The following HIVEP1 variants were observed in gnomAD, a reference collection of about 807,000 sequenced individuals.
HIVEP1 encodes zinc finger protein 40.
In HIVEP1, 36 loss-of-function variants were observed where a neutral mutation model predicts 180.0. The ratio of observed to expected loss-of-function variants is 0.20; its 90% CI spans 0.15 to 0.26. The LOEUF (loss-of-function observed/expected upper bound fraction) is 0.26, where lower values mean the gene tolerates loss of function less well. HIVEP1 is among the 10% of genes least tolerant of loss of function. HIVEP1 has a pLI of 1.00. For synonymous variants in HIVEP1, 1,239 were observed against 1,239.0 expected (o/e 1.00, Z 0.00); for missense variants, 3,143 against 3,268.7 (o/e 0.96, Z 0.94).
chr6:12,157,073 T>C (rs1025678799), intron 7 of HIVEP1, among the ~76,000 whole-genome samples: 1 of 152,320 alleles, frequency 6.6e-6, no homozygotes, highest in African/African-American at 2.4e-5. Context: ...TGTTTATCCT[T>C]CATAATATTC....
In HIVEP1 at chr6:12,163,583, A is replaced by G; in HGVS notation, c.7279A>G (p.Thr2427Ala). 2 of 1,614,122 alleles carry G rather than the reference A, an allele frequency of 1.2e-6. No individual in the cohort carries two copies. The highest frequency in any genetic ancestry group is 1.7e-6 in the Non-Finnish European group (2 of 1,179,950). Reference protein sequence around the residue: ...VPLQAGPVQLTIPAVSVVHRT... With the variant: ...VPLQAGPVQLAIPAVSVVHRT... ...CCTTCAGGCTGGACCAGTGCAGCTCACGATCCCTGCTGTCAGTGTCGTTCA... is the reference window on the plus strand; with the variant it reads ...CCTTCAGGCTGGACCAGTGCAGCTCGCGATCCCTGCTGTCAGTGTCGTTCA... Residue 2427 changes from threonine (T) to alanine (A), a missense_variant, in exon 9 of 9, where the codon ACG becomes GCG. Thr to Ala is a moderately conservative substitution (Grantham distance 58). Around this residue, in one of 12 missense-constraint regions of HIVEP1, gnomAD observed 595 missense variants for 602.2 expected, o/e 0.99. Transcript: ENST00000379388.
intron 7 of HIVEP1, among the ~76,000 whole-genome samples, chr6:12,143,110 G>A (rs1356305857): frequency 6.6e-6 from 1 of 152,212 alleles, no homozygotes; most frequent in Non-Finnish European, 1.5e-5. Flanking sequence ...CAATATCCCT[G>A]ATGAACATCG....
Position 12,120,024 on chromosome 6 carries a change from C to G in HIVEP1, c.229C>G (p.Gln77Glu). 1 of 1,612,570 alleles carries G rather than the reference C, an allele frequency of 6.2e-7. No individual in the cohort carries two copies. Among genetic ancestry groups the G allele is most frequent in the Non-Finnish European group, 8.5e-7 (1 of 1,179,468 alleles). ...LRNPLQAKHK[Q>E]NTEESSFAVL... is the part of the protein sequence containing the mutation. ...AAATCCTCTTCAGGCAAAACATAAA[C>G]AAAATACAGAAGAGTCATCTTTCGC... The change falls in exon 4 of 9, where the codon CAA becomes GAA. Residue 77 changes from glutamine to glutamate, a missense_variant. Transcript: ENST00000379388.
the HIVEP1 span, among the ~76,000 whole-genome samples, chr6:12,207,195 G>T: frequency 5.3e-5 from 8 of 152,116 alleles, no homozygotes; most frequent in Non-Finnish European, 1.2e-4. Context: ...ATTGCCCGTT[G>T]CATAGTTTCA....
chr6:12,067,060 A>G (rs1367268799), intron 2 of HIVEP1, among the ~76,000 whole-genome samples: 4 of 152,126 alleles, frequency 2.6e-5, no homozygotes, highest in African/African-American at 4.8e-5. Flanking sequence ...TTGGTGGTAC[A>G]TTTTCTAAGT....
rs185749720 is a variant in HIVEP1, at chr6:12,084,571, C to G, written c.41-4613C>G. ...TTTAGTGCTATTGAAATAACACTTA[C>G]AGTTCACAGTAAGAGTAAGGTGCTT... On this transcript the variant is annotated intron_variant, in intron 2 of 8. Transcript: ENST00000379388. Among the ~76,000 whole-genome samples the G allele has an allele frequency of 1.1e-4, 17 of 152,088 alleles. No individual in the cohort carries two copies. The East Asian group carries it at 2.9e-3, about 26-fold the overall frequency.
chr6:12,099,409 G>A (rs991268024), intron 3 of HIVEP1, among the ~76,000 whole-genome samples: 2 of 152,034 alleles, frequency 1.3e-5, no homozygotes, highest in Non-Finnish European at 2.9e-5. Context: ...CTCGTGATCC[G>A]CCCGCCTCGG....
At chr6:12,119,162 C>A (rs1775410623) in intron 3 of HIVEP1, among the ~76,000 whole-genome samples, 1 of 152,136 alleles carries the variant, frequency 6.6e-6, no homozygotes, top group Non-Finnish European at 1.5e-5. Context: ...TTCTGTCTTC[C>A]CTTACCAGCT....
In HIVEP1 at chr6:12,121,861, C is replaced by T; in HGVS notation, c.2066C>T (p.Pro689Leu). The T allele has an allele frequency of 6.2e-7, 1 of 1,614,166 alleles. No homozygotes were observed. Among genetic ancestry groups the T allele is most frequent in the Non-Finnish European group, 8.5e-7 (1 of 1,180,022 alleles). Residue 689 changes from proline to leucine, a missense_variant, in exon 4 of 9, where the codon CCA (proline) becomes CTA (leucine). Physicochemically the swap from Pro to Leu is moderately conservative, Grantham distance 98. Around this residue, in one of 12 missense-constraint regions of HIVEP1, gnomAD observed 365 missense variants for 344.4 expected, o/e 1.06. Transcript: ENST00000379388. This position sits in a 1 kb window ranked among gnomAD's most constrained non-coding sequence, Gnocchi z 5.3. ...SESADQTVSP[P>L]TPFARRLPST... ...AGTGCCGATCAAACAGTGAGTCCACCAACTCCCTTTGCCAGAAGGTTACCC... is the reference window on the plus strand; with the variant it reads ...AGTGCCGATCAAACAGTGAGTCCACTAACTCCCTTTGCCAGAAGGTTACCC...
chr6:12,043,154 T>C (rs1769886417), intron 2 of HIVEP1, among the ~76,000 whole-genome samples: 1 of 152,220 alleles, frequency 6.6e-6, no homozygotes, highest in Non-Finnish European at 1.5e-5. Context: ...AGGGTAAGTT[T>C]GCCTTCACTG....
chr6:12,128,814 T>C (rs7741589), intron 4 of HIVEP1, among the ~76,000 whole-genome samples: 27,093 of 152,206 alleles, frequency 0.18, 2,911 homozygotes, highest in East Asian at 0.47. Context: ...TTCGTTACCT[T>C]TTTTCCAGAG....
Position 12,161,816 on chromosome 6 carries a change from A to G in HIVEP1, c.6865A>G (p.Ile2289Val), listed in dbSNP as rs1327858738. 4.3e-6 allele frequency: 7 copies of G among 1,614,112 alleles called. No individual in the cohort carries two copies. The highest frequency in any genetic ancestry group is 2.2e-5 in the East Asian group (1 of 44,872). Residue 2289 changes from isoleucine to valine, a missense_variant, in exon 8 of 9, where the codon ATT becomes GTT. Transcript: ENST00000379388. ...QRAARDENDT[I>V]PSVDTSRSPC... ...TGCTGCGAGAGATGAAAACGACACAATTCCGTCTGTAGACACTTCCAGGTC... is the reference window on the plus strand; with the variant it reads ...TGCTGCGAGAGATGAAAACGACACAGTTCCGTCTGTAGACACTTCCAGGTC...
At chr6:12,028,487 G>T (rs866237081) in intron 2 of HIVEP1, among the ~76,000 whole-genome samples, 1 of 152,202 alleles carries the variant, frequency 6.6e-6, no homozygotes, top group Non-Finnish European at 1.5e-5. Flanking sequence ...CCTTCTGTAT[G>T]TTGACAGTTT....
intron 2 of HIVEP1, among the ~76,000 whole-genome samples, chr6:12,076,645 T>C (rs1772370641): frequency 6.6e-6 from 1 of 152,134 alleles, no homozygotes; most frequent in Non-Finnish European, 1.5e-5. Flanking sequence ...GCAGTCCTTT[T>C]TTATATCAGC....
intron 3 of HIVEP1, among the ~76,000 whole-genome samples, chr6:12,099,624 C>T (rs1221271135): frequency 6.6e-6 from 1 of 152,120 alleles, no homozygotes; most frequent in Non-Finnish European, 1.5e-5. Context: ...CACCCTCTCA[C>T]CTCTGCCTGG....
At chr6:12,087,177 G>A (rs57691377) in intron 2 of HIVEP1, among the ~76,000 whole-genome samples, 3,836 of 152,168 alleles carry the variant, frequency 0.025, 90 homozygotes, top group Middle Eastern at 0.065. Context: ...AGGTAACTTA[G>A]TTGAAAATTT....
intron 2 of HIVEP1, among the ~76,000 whole-genome samples, chr6:12,075,098 G>A (rs997258537): frequency 6.6e-6 from 1 of 152,238 alleles, no homozygotes. Flanking sequence ...CCTCAGGGCT[G>A]ACTGCAGCAG....
intron 2 of HIVEP1, among the ~76,000 whole-genome samples, chr6:12,061,945 T>C (rs1581605694): frequency 1.3e-5 from 2 of 152,182 alleles, no homozygotes; most frequent in African/African-American, 2.4e-5. Flanking sequence ...CTGATGAAAT[T>C]TGAATGAGAG....
At chr6:12,087,739 G>A (rs79074532) in intron 2 of HIVEP1, among the ~76,000 whole-genome samples, 35 of 152,220 alleles carry the variant, frequency 2.3e-4, no homozygotes, top group African/African-American at 8.2e-4. Flanking sequence ...TGCATTTAAT[G>A]TGTGTTTTTT....
Sources: allele counts gnomAD v4.1 joint callset (sites outside exome capture counted in the v4.1 genomes callset), GRCh38; gene constraint gnomAD v4.1.1; regional missense constraint gnomAD v4.1.1; non-coding constraint Gnocchi (gnomAD v3.1); transcripts MANE v1.5; gene names NCBI Gene and HGNC (gene_info 2026-07-23, HGNC 2026-07-21).